The following ANKDD1A variants were observed in gnomAD, a reference collection of about 807,000 sequenced individuals.
ANKDD1A encodes ankyrin repeat and death domain-containing protein 1A.
In ANKDD1A, 59 loss-of-function variants were observed where a neutral mutation model predicts 63.5. The ratio of observed to expected loss-of-function variants is 0.93; its 90% CI spans 0.75 to 1.15. The LOEUF (loss-of-function observed/expected upper bound fraction) is 1.15, where lower values mean the gene tolerates loss of function less well. ANKDD1A is among the 50% of genes most tolerant of loss of function. ANKDD1A has a pLI of 0.00. For missense variants in ANKDD1A, 632 were observed against 656.4 expected (o/e 0.96, Z 0.41); for synonymous variants, 266 against 263.9 (o/e 1.01, Z -0.08).
At chr15:64,934,602 C>T (rs2085113591) in intron 9 of ANKDD1A, among the ~76,000 whole-genome samples, 1 of 148,860 alleles carries the variant, frequency 6.7e-6, no homozygotes, top group Non-Finnish European at 1.5e-5. Flanking sequence ...CAGGTTCAAG[C>T]AATTCTCCTG....
intron 5 of ANKDD1A, among the ~76,000 whole-genome samples, chr15:64,926,409 G>A (rs547138771): frequency 1.3e-5 from 2 of 152,262 alleles, no homozygotes; most frequent in East Asian, 1.9e-4. Flanking sequence ...GGTTAGAAAA[G>A]CAAGCCATTG....
At chr15:64,951,768 T>C (rs2085286567) in intron 14 of ANKDD1A, among the ~76,000 whole-genome samples, 1 of 127,068 alleles carries the variant, frequency 7.9e-6, no homozygotes, top group Non-Finnish European at 1.6e-5. Context: ...TTTCCTTTTC[T>C]TCTTCTTTCC....
At chr15:64,932,725 A>G (rs1027859958) in intron 8 of ANKDD1A, 1 of 152,284 alleles carries the variant, frequency 6.6e-6, no homozygotes. Context: ...GCAGTTCAAA[A>G]ACAGAGAATT....
At chr15:64,931,994 A>T in intron 8 of ANKDD1A, 1 of 227,964 alleles carries the variant, frequency 4.4e-6, no homozygotes, top group Admixed American at 5.2e-5. Flanking sequence ...CCTGGGTTCA[A>T]GCAGTTTTCC....
At chr15:64,930,307 G>T (rs1161339576) in intron 6 of ANKDD1A, among the ~76,000 whole-genome samples, 1 of 151,948 alleles carries the variant, frequency 6.6e-6, no homozygotes, top group African/African-American at 2.4e-5. Context: ...CTCAGCCAGT[G>T]ACAGAGTGTG....
At chr15:64,950,846 A>T in intron 14 of ANKDD1A, 1 of 1,099,408 alleles carries the variant, frequency 9.1e-7, no homozygotes, top group Non-Finnish European at 1.1e-6. Context: ...TCTTAAATAT[A>T]GTTGTTACAT....
At chr15:64,952,138 CTTA>C (rs1449184118) in intron 14 of ANKDD1A, among the ~76,000 whole-genome samples, 1 of 136,688 alleles carries the variant, frequency 7.3e-6, no homozygotes, top group African/African-American at 2.8e-5. Context: ...CTTCTTCTTC[CTTA>C]TTCTTCTTCC....
intron 14 of ANKDD1A, among the ~76,000 whole-genome samples, chr15:64,953,809 TC>T (rs1285411479): frequency 2.1e-5 from 3 of 142,482 alleles, no homozygotes; most frequent in Admixed American, 7.4e-5. Flanking sequence ...TTCCTTTTTT[TC>T]TTCTTCCTTA....
At chr15:64,952,053 TTC>T (rs1380702694) in intron 14 of ANKDD1A, among the ~76,000 whole-genome samples, 4 of 120,584 alleles carry the variant, frequency 3.3e-5, no homozygotes, top group African/African-American at 1.2e-4. Flanking sequence ...TTCTTTCTTC[TTC>T]TTAGTTCTTC....
At chr15:64,952,590 T>C (rs2085313573) in intron 14 of ANKDD1A, among the ~76,000 whole-genome samples, 1 of 99,270 alleles carries the variant, frequency 1.0e-5, no homozygotes, top group African/African-American at 3.2e-5. Flanking sequence ...CTTTTCTTCT[T>C]CTTCCTTCGT....
intron 3 of ANKDD1A, among the ~76,000 whole-genome samples, chr15:64,920,346 G>A (rs2084999462): frequency 6.6e-6 from 1 of 152,262 alleles, no homozygotes; most frequent in South Asian, 2.1e-4. Context: ...CTGCAAACAG[G>A]TGTGGGGCTG....
At chr15:64,914,356 A>C (rs2084954439) in intron 1 of ANKDD1A, among the ~76,000 whole-genome samples, 2 of 152,162 alleles carry the variant, frequency 1.3e-5, no homozygotes, top group Admixed American at 6.5e-5. Flanking sequence ...GTGCAATTAT[A>C]GCTCATTGGC....
intron 7 of ANKDD1A, among the ~76,000 whole-genome samples, chr15:64,931,157 C>G (rs540413337): frequency 3.3e-5 from 5 of 152,080 alleles, no homozygotes; most frequent in Non-Finnish European, 7.4e-5. Context: ...AGAAGGGAGA[C>G]GTCACCGTGG....
chr15:64,917,578 A>T, intron 3 of ANKDD1A, 64 bp downstream of exon 3: 1 of 1,511,948 alleles, frequency 6.6e-7, no homozygotes, highest in South Asian at 1.2e-5. Context: ...CTCTGGGTCT[A>T]TGAGCCAGTT....
At chr15:64,956,320 C>T (rs188114856) in intron 14 of ANKDD1A, among the ~76,000 whole-genome samples, 17 of 148,910 alleles carry the variant, frequency 1.1e-4, no homozygotes, top group South Asian at 4.2e-4. Flanking sequence ...GAGGGCAAGG[C>T]GGGCAGATCA....
At chr15:64,927,107 GC>G in intron 6 of ANKDD1A, 108 bp downstream of exon 6, 2 of 1,093,966 alleles carry the variant, frequency 1.8e-6, no homozygotes, top group Non-Finnish European at 2.7e-6. Context: ...TGCGCTGGAG[GC>G]CCGTGTGGCC....
intron 9 of ANKDD1A, among the ~76,000 whole-genome samples, chr15:64,935,328 C>G (rs77875979): frequency 2.0e-5 from 3 of 151,432 alleles, no homozygotes; most frequent in Non-Finnish European, 4.4e-5. Context: ...GCTAGGAGTT[C>G]GAGACCAGCC....
chr15:64,931,976 C>A, intron 8 of ANKDD1A: 1 of 258,910 alleles, frequency 3.9e-6, no homozygotes, highest in Non-Finnish European at 7.4e-6. Flanking sequence ...TCACTGTAAC[C>A]TCCGCCTCCT....
chr15:64,922,060 C>A, intron 4 of ANKDD1A, 41 bp downstream of exon 4: 1 of 1,591,970 alleles, frequency 6.3e-7, no homozygotes, highest in Non-Finnish European at 8.6e-7. Flanking sequence ...CTCGGCTCCC[C>A]TGGCCTGGAT....
Sources: gnomAD v4.1 joint callset for allele counts (sites outside exome capture counted in the v4.1 genomes callset) on GRCh38, gnomAD v4.1.1 for gene constraint, MANE v1.5 for transcripts, NCBI Gene and HGNC (gene_info 2026-07-23, HGNC 2026-07-21) for gene names.